Variants in UBR3 observed in about 807,000 individuals in gnomAD.
The protein encoded by UBR3 is ubiquitin protein ligase E3 component n-recognin 3, also known as E3 ubiquitin-protein ligase UBR3.
A neutral mutation model predicts 243.2 loss-of-function variants in UBR3; 85 were observed. That is an observed-to-expected ratio of 0.35 (90% CI 0.29 to 0.42). The LOEUF (loss-of-function observed/expected upper bound fraction) is 0.42, where lower values mean the gene tolerates loss of function less well. Ranked by LOEUF, UBR3 falls within the 10% of genes least tolerant of loss-of-function variation. The pLI is 1.00. For missense variants in UBR3, 1,686 were observed against 2,300.8 expected (o/e 0.73, Z 5.47); for synonymous variants, 748 against 799.8 (o/e 0.94, Z 1.09).
intron 4 of UBR3, 54 bp from the exon 5 acceptor site, chr2:169,878,471 A>C: frequency 1.4e-6 from 2 of 1,479,690 alleles, no homozygotes; most frequent in Non-Finnish European, 1.8e-6. Flanking sequence ...TAATTTGAAA[A>C]TAAAGCAATA....
chr2:169,996,438 A>G (rs57878503), intron 26 of UBR3, among the ~76,000 whole-genome samples: 14,484 of 152,264 alleles, frequency 0.095, 828 homozygotes, highest in African/African-American at 0.16. Context: ...GTCACTCTGC[A>G]TATAATACAG....
chr2:169,937,806 G>T (rs1469443217), intron 19 of UBR3, among the ~76,000 whole-genome samples: 1 of 152,096 alleles, frequency 6.6e-6, no homozygotes, highest in Non-Finnish European at 1.5e-5. Context: ...TTAATATAGG[G>T]TGATTTGGGT....
intron 8 of UBR3, among the ~76,000 whole-genome samples, chr2:169,904,003 G>A (rs2084923471): frequency 6.6e-6 from 1 of 152,052 alleles, no homozygotes; most frequent in Admixed American, 6.6e-5. Flanking sequence ...TTTATAAATA[G>A]CACATCTATA....
chr2:170,037,183 T>C (rs1479732689), intron 31 of UBR3, among the ~76,000 whole-genome samples: 1 of 152,050 alleles, frequency 6.6e-6, no homozygotes, highest in African/African-American at 2.4e-5. Flanking sequence ...ATTAGGAGCT[T>C]TCTTCTTTGT....
intron 20 of UBR3, among the ~76,000 whole-genome samples, chr2:169,943,378 A>G (rs2086664119): frequency 6.6e-6 from 1 of 152,054 alleles, no homozygotes; most frequent in Non-Finnish European, 1.5e-5. Context: ...TGAGGTGGGC[A>G]GATCACGAGG....
At position 169,949,891 on chromosome 2, in the gene UBR3, C is replaced by T. The variant is rs1328984130; in HGVS notation, c.3371C>T (p.Pro1124Leu). Reference sequence around the variant, plus strand: ...GAAATTTTAATCCAACCAGAAATTCCTAAATACAGTCATGGAGATGGTATA... The same window carrying T: ...GAAATTTTAATCCAACCAGAAATTCTTAAATACAGTCATGGAGATGGTATA... ...DIEILIQPEI[P>L]KYSHGDGITA... The change falls in exon 23 of 39, where the codon CCT becomes CTT. Residue 1124 changes from proline to leucine, a missense_variant. Coordinates refer to ENST00000272793, the MANE Select transcript of UBR3 (RefSeq NM_172070.4). 1 of 1,611,236 alleles carries T rather than the reference C, an allele frequency of 6.2e-7. No individual in the cohort carries two copies. Among genetic ancestry groups the T allele is most frequent in the Non-Finnish European group, 8.5e-7 (1 of 1,178,424 alleles).
At chr2:170,030,047 A>G (rs1159229604) in intron 31 of UBR3, among the ~76,000 whole-genome samples, 1 of 152,092 alleles carries the variant, frequency 6.6e-6, no homozygotes, top group Non-Finnish European at 1.5e-5. Flanking sequence ...AACAGTGACC[A>G]ATAAGTTTGG....
At position 170,079,093 on chromosome 2, in the gene UBR3, C is replaced by T. The variant is rs900262405; in HGVS notation, c.5200-721C>T. The stretch of plus-strand genomic sequence containing the variant: ...ACAGTTTCTTAAGATAATAGACTCA[C>T]TCTACATTTTATCTTTTTTAAGTGT... On this transcript the variant is annotated intron_variant, in intron 36 of 38. Transcript: ENST00000272793. Among the ~76,000 whole-genome samples, 3 of 152,166 alleles carry T rather than the reference C, an allele frequency of 2.0e-5. No homozygotes were observed. In the South Asian group the frequency reaches 6.2e-4, roughly 32 times the overall value.
intron 1 of UBR3, among the ~76,000 whole-genome samples, chr2:169,852,971 G>T (rs1314543497): frequency 6.7e-6 from 1 of 150,234 alleles, no homozygotes; most frequent in Non-Finnish European, 1.5e-5. Context: ...ATTAGCAAAC[G>T]TGTGTATGAA....
chr2:170,066,386 T>A (rs546093110), intron 35 of UBR3, among the ~76,000 whole-genome samples: 98 of 152,350 alleles, frequency 6.4e-4, no homozygotes, highest in Non-Finnish European at 1.0e-3. Flanking sequence ...AACTCCAGAA[T>A]TCTAAATAGA....
chr2:169,993,676 T>A (rs923444524), intron 25 of UBR3, among the ~76,000 whole-genome samples: 1 of 152,220 alleles, frequency 6.6e-6, no homozygotes, highest in African/African-American at 2.4e-5. Flanking sequence ...CCAACTAAGT[T>A]TGATCCCTTG....
chr2:169,937,620 C>T (rs984107565), intron 19 of UBR3, among the ~76,000 whole-genome samples: 4 of 152,144 alleles, frequency 2.6e-5, no homozygotes, highest in African/African-American at 9.7e-5. Flanking sequence ...AGGTTTTCCT[C>T]TAGGGTTTTT....
chr2:169,966,099 A>G (rs1313193113), intron 24 of UBR3, among the ~76,000 whole-genome samples: 2 of 152,284 alleles, frequency 1.3e-5, no homozygotes, highest in Non-Finnish European at 2.9e-5. Context: ...CTAGTTATCA[A>G]GTTTCCTACA....
chr2:169,996,202 G>A (rs2089471750), intron 26 of UBR3, among the ~76,000 whole-genome samples: 1 of 152,194 alleles, frequency 6.6e-6, no homozygotes, highest in African/African-American at 2.4e-5. Flanking sequence ...AAGGTTTCTG[G>A]TGGCTTCTGC....
At chr2:169,857,800 G>A (rs1307610434) in intron 1 of UBR3, among the ~76,000 whole-genome samples, 1 of 152,042 alleles carries the variant, frequency 6.6e-6, no homozygotes, top group East Asian at 1.9e-4. Context: ...GAGTGCAGTG[G>A]CACTATCATG....
intron 1 of UBR3, among the ~76,000 whole-genome samples, chr2:169,842,060 G>A (rs1369744027): frequency 6.6e-6 from 1 of 152,192 alleles, no homozygotes; most frequent in Non-Finnish European, 1.5e-5. Flanking sequence ...ACACCAATCA[G>A]CACTCTGTGT....
intron 32 of UBR3, among the ~76,000 whole-genome samples, chr2:170,055,127 A>G (rs2091304280): frequency 6.6e-6 from 1 of 152,122 alleles, no homozygotes; most frequent in South Asian, 2.1e-4. Flanking sequence ...GGGAGGCCCC[A>G]TCTCTACAAA....
intron 1 of UBR3, among the ~76,000 whole-genome samples, chr2:169,851,276 C>T (rs1189718357): frequency 6.6e-6 from 1 of 152,110 alleles, no homozygotes; most frequent in African/African-American, 2.4e-5. Flanking sequence ...AGGTGTGTGC[C>T]ACCATGTTTG....
At position 170,059,980 on chromosome 2, in the gene UBR3, C is replaced by T. The variant is rs79744321; in HGVS notation, c.4786-1099C>T. On this transcript the variant is annotated intron_variant, in intron 33 of 38. Transcript: ENST00000272793. ...TTCATGATATTTTGGAATTTACAGTCTAGTTGGAAAGAGCACAGTAACATG... is the reference window on the plus strand; with the variant it reads ...TTCATGATATTTTGGAATTTACAGTTTAGTTGGAAAGAGCACAGTAACATG... 9.2e-4 allele frequency among the ~76,000 whole-genome samples: 140 copies of T among 152,160 alleles called. 2 individuals carry two copies. The South Asian group carries it at 9.5e-3, about 10-fold the overall frequency.
Sources: allele counts gnomAD v4.1 joint callset (sites outside exome capture counted in the v4.1 genomes callset), GRCh38; gene constraint gnomAD v4.1.1; transcripts MANE v1.5; gene names NCBI Gene and HGNC (gene_info 2026-07-23, HGNC 2026-07-21).